ITM2B: variants seen among roughly 807,000 people sequenced by gnomAD.
ITM2B encodes ABri/ADan amyloid peptide.
A neutral mutation model predicts 27.8 loss-of-function variants in ITM2B; 11 were observed. That is an observed-to-expected ratio of 0.40 (90% confidence interval 0.25 to 0.66). The LOEUF (loss-of-function observed/expected upper bound fraction) is 0.66. ITM2B is among the 30% of genes least tolerant of loss of function. ITM2B has a pLI of 0.43. For missense variants in ITM2B, 296 were observed against 328.9 expected, an observed-to-expected ratio of 0.90 and a Z score of 0.77; for synonymous variants, 114 against 114.3, an observed-to-expected ratio of 1.00 and a Z score of 0.02.
intron 2 of ITM2B, among the ~76,000 whole-genome samples, chr13:48,254,506 A>T (rs1951774265): frequency 6.6e-6 from 1 of 152,188 alleles, no homozygotes; most frequent in African/African-American, 2.4e-5. Context: ...GTTAAGACAA[A>T]GGTCTTCCTT....
chr13:48,247,207 C>T (rs139534766), intron 1 of ITM2B, among the ~76,000 whole-genome samples: 14 of 152,222 alleles, frequency 9.2e-5, no homozygotes, highest in African/African-American at 3.4e-4. Context: ...AAGCATTATA[C>T]CAGCCAAACA....
intron 1 of ITM2B, among the ~76,000 whole-genome samples, chr13:48,239,884 G>T (rs1479349188): frequency 6.6e-6 from 1 of 152,140 alleles, no homozygotes; most frequent in Admixed American, 6.5e-5. Context: ...GGGTAAGAAT[G>T]ATTTTTATAT....
chr13:48,264,421 A>T lies in ITM2B; in HGVS notation c.*3197A>T, dbSNP rs1951840872. 1 of 152,184 alleles carries T rather than the reference A, an allele frequency of 6.6e-6. No individual in the cohort carries two copies. The allele number at this position is 152,184 out of a possible 1,614,324, so 9.4% of individuals were successfully genotyped here. On this transcript the variant is annotated 3_prime_UTR_variant, in exon 6 of 6. Transcript: ENST00000647800. ...GGAGTGTAAAACTTAAAGGCTGATT[A>T]ATAATGCAAATGAAAAGGCAAATGG...
At position 48,260,090 on chromosome 13, in the gene ITM2B, G is replaced by A. The variant is rs567860097; in HGVS notation, c.716-1049G>A. On this transcript the variant is annotated intron_variant, in intron 5 of 5. Coordinates refer to ENST00000647800, the MANE Select transcript of ITM2B (RefSeq NM_021999.5). ...TTCACCTCCCACTTATGAGTGAGAAGATGCAGTGTTTGGTTTTCTGATCTT... is the reference window on the plus strand; with the variant it reads ...TTCACCTCCCACTTATGAGTGAGAAAATGCAGTGTTTGGTTTTCTGATCTT... Among the ~76,000 whole-genome samples, 4 of 152,176 alleles carry A rather than the reference G, an allele frequency of 2.6e-5. No individual in the cohort carries two copies. The South Asian group carries it at 6.2e-4, about 24-fold the overall frequency.
At chr13:48,254,024 T>C in intron 2 of ITM2B, 88 bp downstream of exon 2, 1 of 1,282,924 alleles carries the variant, frequency 7.8e-7, no homozygotes, top group Non-Finnish European at 1.1e-6. Flanking sequence ...CAACTTGCGC[T>C]AAGCTTGTAC....
intron 1 of ITM2B, among the ~76,000 whole-genome samples, chr13:48,245,778 T>TC (rs1214862534): frequency 4.6e-5 from 7 of 151,670 alleles, no homozygotes; most frequent in South Asian, 2.1e-4. Flanking sequence ...TAGTTTAAGT[T>TC]CTTTTTTTTT....
At chr13:48,261,047 T>A in intron 5 of ITM2B, 92 bp from the exon 6 acceptor site, 1 of 844,028 alleles carries the variant, frequency 1.2e-6, no homozygotes, top group Non-Finnish European at 1.9e-6. Context: ...AGTGAAATAC[T>A]TCTATATGTC....
At chr13:48,246,804 C>T (rs1168794945) in intron 1 of ITM2B, among the ~76,000 whole-genome samples, 3 of 152,082 alleles carry the variant, frequency 2.0e-5, no homozygotes, top group Non-Finnish European at 4.4e-5. Context: ...GTTGAAAATA[C>T]TAGAACATTG....
chr13:48,241,124 T>A (rs1248164123), intron 1 of ITM2B, among the ~76,000 whole-genome samples: 1 of 152,222 alleles, frequency 6.6e-6, no homozygotes, highest in Non-Finnish European at 1.5e-5. Context: ...ACCTACTGAT[T>A]CCCTTGGCCT....
Position 48,233,388 on chromosome 13 carries a change from CT to C in ITM2B, c.29del (p.Leu10ArgfsTer52). On this transcript the variant is annotated frameshift_variant, in exon 1 of 6. Coordinates refer to ENST00000647800, the MANE Select transcript of ITM2B (RefSeq NM_021999.5). LOFTEE classifies it high-confidence loss of function. MVKVTFNSA[L>X]AQKEAKKDEP... ...GGTGAAGGTGACGTTCAACTCCGCT[CT>C]GGCCCAGAAGGAGGCCAAGAAGGAC... is the stretch of plus-strand genomic sequence containing the variant. 6.4e-7 allele frequency: 1 copy of C among 1,565,836 alleles called. No homozygotes were observed. The highest frequency in any genetic ancestry group is 8.6e-7 in the Non-Finnish European group (1 of 1,158,508).
intron 1 of ITM2B, among the ~76,000 whole-genome samples, chr13:48,239,847 C>T (rs578183163): frequency 6.6e-6 from 1 of 152,256 alleles, no homozygotes; most frequent in East Asian, 1.9e-4. Flanking sequence ...CAAATACTGC[C>T]TGCCTGCTGT....
chr13:48,246,144 A>C (rs1397572812), intron 1 of ITM2B, among the ~76,000 whole-genome samples: 1 of 152,204 alleles, frequency 6.6e-6, no homozygotes, highest in Non-Finnish European at 1.5e-5. Context: ...TAACTTCATT[A>C]ATCATAACAT....
chr13:48,245,120 G>A (rs1333545014), intron 1 of ITM2B, among the ~76,000 whole-genome samples: 12 of 152,280 alleles, frequency 7.9e-5, no homozygotes, highest in African/African-American at 1.7e-4. Context: ...GAGGTCAGGA[G>A]TTCGAGACCA....
chr13:48,253,996 G>A, intron 2 of ITM2B, 60 bp downstream of exon 2: 7 of 1,511,030 alleles, frequency 4.6e-6, no homozygotes, highest in African/African-American at 1.4e-5. Context: ...CTCCCGATGT[G>A]CATTACAAAA....
intron 4 of ITM2B, 117 bp from the exon 5 acceptor site, chr13:48,258,680 G>GGTA: frequency 1.1e-6 from 1 of 883,556 alleles, no homozygotes. Context: ...ACAGATGGTG[G>GGTA]GTAGTAGTTT....
At position 48,261,257 on chromosome 13, in the gene ITM2B, A is replaced by G. The variant is rs368947914; in HGVS notation, c.*33A>G. 12 of 1,361,950 alleles carry G rather than the reference A, an allele frequency of 8.8e-6. No homozygotes were observed. In the African/African-American group the frequency reaches 1.4e-4, roughly 16 times the overall value. 84.4% of individuals were successfully genotyped at this position (1,361,950 alleles called of 1,614,324 possible). A position where few individuals can be genotyped will look rare whatever the true frequency, so the allele number is the denominator to read the frequency against. ...AGAAAAACATTATTGAGGAAAATTA[A>G]TATCACAGCATAACCCCACCCTTTA... On this transcript the variant is annotated 3_prime_UTR_variant, in exon 6 of 6. Coordinates refer to ENST00000647800, the MANE Select transcript of ITM2B (RefSeq NM_021999.5).
Position 48,238,455 on chromosome 13 carries a change from T to C in ITM2B, c.117+4978T>C, listed in dbSNP as rs540249003. Among the ~76,000 whole-genome samples, 11 of 152,308 alleles carry C rather than the reference T, an allele frequency of 7.2e-5. No individual in the cohort carries two copies. In the East Asian group the frequency reaches 2.1e-3, roughly 29 times the overall value. On this transcript the variant is annotated intron_variant, in intron 1 of 5. Coordinates refer to ENST00000647800, the MANE Select transcript of ITM2B (RefSeq NM_021999.5). Reference sequence around the variant, plus strand: ...TTATTCTTAAACAGAAAAGTTTGAATCTTGAGTTGTAGCGATGAGGAAATT... The same window carrying C: ...TTATTCTTAAACAGAAAAGTTTGAACCTTGAGTTGTAGCGATGAGGAAATT...
intron 1 of ITM2B, among the ~76,000 whole-genome samples, chr13:48,236,226 A>G (rs1418311055): frequency 6.6e-6 from 1 of 152,204 alleles, no homozygotes; most frequent in Non-Finnish European, 1.5e-5. Flanking sequence ...GAGACAGCAA[A>G]GATGGGATGT....
In ITM2B at chr13:48,256,704, T is replaced by C. The variant is rs550756208; in HGVS notation, c.453+321T>C. Among the ~76,000 whole-genome samples, 5 of 152,352 alleles carry C rather than the reference T, an allele frequency of 3.3e-5. No individual in the cohort carries two copies. In the East Asian group the frequency reaches 9.6e-4, roughly 29 times the overall value. On this transcript the variant is annotated intron_variant, in intron 3 of 5. Transcript: ENST00000647800. ...TTATGTTCCTGTTTCTTGGTAGCAT[T>C]TTCAAAATCAATAATTTTGTTAATC...
Sources: gnomAD v4.1 joint callset for allele counts (sites outside exome capture counted in the v4.1 genomes callset) on GRCh38, gnomAD v4.1.1 for gene constraint, MANE v1.5 for transcripts, NCBI Gene and HGNC (gene_info 2026-07-23, HGNC 2026-07-21) for gene names.